Variants in CFAP99 observed in about 807,000 individuals in gnomAD.
CFAP99 encodes the protein cilia- and flagella-associated protein 99.
A neutral mutation model predicts 82.7 loss-of-function variants in CFAP99; 84 were observed. The observed-to-expected ratio is 1.02, with a 90% CI of 0.85 to 1.22. The LOEUF (loss-of-function observed/expected upper bound fraction) is 1.22. CFAP99 is among the 50% of genes most tolerant of loss of function. The probability of loss-of-function intolerance (pLI) is 0.00; values close to 1 mark genes in which losing one functional copy is unlikely to be tolerated. For missense variants in CFAP99, 1,059 were observed against 983.5 expected, an observed-to-expected ratio of 1.08 and a Z score of -1.03; for synonymous variants, 456 against 429.5, an observed-to-expected ratio of 1.06 and a Z score of -0.76.
intron 11 of CFAP99, among the ~76,000 whole-genome samples, chr4:2,457,655 C>A (rs1306261558): frequency 6.8e-6 from 1 of 146,588 alleles, no homozygotes; most frequent in Non-Finnish European, 1.5e-5. Flanking sequence ...CCTCTCCTTA[C>A]TGTGAGCCTG....
chr4:2,428,331 C>T (rs896916875), intron 2 of CFAP99: 2 of 152,652 alleles, frequency 1.3e-5, no homozygotes, highest in African/African-American at 2.4e-5. Context: ...ATCCGTCCCC[C>T]TCATTTCCCT....
rs962309892 is a variant in CFAP99, at chr4:2,420,257, G to C, written c.-18+1164G>C. ...CTGGGGGATTTCCTACAGTTACATG[G>C]TTTTATAAACAACCATTTTCTCCCA... On this transcript the variant is annotated intron_variant, in intron 1 of 14. Transcript: ENST00000635017. Among the ~76,000 whole-genome samples the C allele has an allele frequency of 2.0e-5, 3 of 151,976 alleles. No homozygotes were observed. In the East Asian group the frequency reaches 5.8e-4, roughly 29 times the overall value.
chr4:2,432,726 T>C (rs1430224442), intron 2 of CFAP99, among the ~76,000 whole-genome samples: 1 of 152,212 alleles, frequency 6.6e-6, no homozygotes, highest in Non-Finnish European at 1.5e-5. Flanking sequence ...CCTGCTGCTC[T>C]CCCTGGTTGG....
intron 2 of CFAP99, among the ~76,000 whole-genome samples, chr4:2,435,678 C>T (rs904841671): frequency 6.6e-6 from 1 of 152,176 alleles, no homozygotes; most frequent in Non-Finnish European, 1.5e-5. Context: ...AATCCCAACA[C>T]TTTGGGAGGC....
chr4:2,440,368 G>A (rs1284580389), intron 4 of CFAP99, among the ~76,000 whole-genome samples: 18 of 147,918 alleles, frequency 1.2e-4, no homozygotes, highest in South Asian at 1.1e-3. Flanking sequence ...GGATGGTCTC[G>A]ATCTCCTGAC....
Position 2,462,539 on chromosome 4 carries a change from C to G in CFAP99, c.1758C>G (p.Ala586=), listed in dbSNP as rs977898740. The G allele has an allele frequency of 1.9e-5, 28 of 1,469,548 alleles. No homozygotes were observed. The highest frequency in any genetic ancestry group is 5.9e-5 in the African/African-American group (4 of 67,964). The allele number at this position is 1,469,548 out of a possible 1,614,324, so 91.0% of individuals were successfully genotyped here. ...GGCGCAGGATCTCGGAGAGGGCGGC[C>G]GAGCGCAGCAGGCAGGCGGCCTTGC... The change falls in exon 15 of 15, where the codon GCC becomes GCG. Residue 586 remains alanine (A), a synonymous_variant. Coordinates refer to ENST00000635017, the Ensembl canonical transcript of CFAP99. This position sits in a 1 kb window ranked among gnomAD's most constrained non-coding sequence, Gnocchi z 4.1.
intron 4 of CFAP99, among the ~76,000 whole-genome samples, chr4:2,438,709 G>A (rs757438954): frequency 2.6e-5 from 4 of 152,134 alleles, no homozygotes; most frequent in East Asian, 1.9e-4. Context: ...GTTTGAGGCT[G>A]CAGTGAGCAG....
intron 2 of CFAP99, among the ~76,000 whole-genome samples, chr4:2,430,089 C>T (rs1246056306): frequency 6.7e-6 from 1 of 150,196 alleles, no homozygotes; most frequent in African/African-American, 2.5e-5. Flanking sequence ...CTGCGGACAG[C>T]AGACTGCGGT....
At chr4:2,452,899 T>TA (rs925409333) in intron 11 of CFAP99, among the ~76,000 whole-genome samples, 8 of 151,796 alleles carry the variant, frequency 5.3e-5, no homozygotes, top group East Asian at 1.9e-4. Flanking sequence ...CCCGTCTCTG[T>TA]AAAAAATACA....
chr4:2,443,431 G>A (rs193289192), intron 5 of CFAP99, among the ~76,000 whole-genome samples, 189 bp downstream of exon 5: 172 of 152,340 alleles, frequency 1.1e-3, no homozygotes, highest in Non-Finnish European at 1.4e-3. Flanking sequence ...ACAGCCTCGC[G>A]GGGAGGAAAA....
rs915345495 is a variant in CFAP99 at position 2,459,185 on chromosome 4, G to A, written c.1382G>A (p.Cys461Tyr). 5 of 1,535,712 alleles carry A rather than the reference G, an allele frequency of 3.3e-6. No homozygotes were observed. The highest frequency in any genetic ancestry group is 1.7e-4 in the Middle Eastern group (1 of 5,988). Reference sequence around the variant, plus strand: ...GCCCAGGAGGAGCAGCGGCGCCGTTGTGAACTCATCTCCCAGCTGCGCGCA... The same window carrying A: ...GCCCAGGAGGAGCAGCGGCGCCGTTATGAACTCATCTCCCAGCTGCGCGCA... Residue 461 changes from cysteine (C) to tyrosine (Y), a missense_variant, in exon 13 of 15, where the codon TGT becomes TAT. By Grantham distance (194) the Cys-to-Tyr change is radical. Transcript: ENST00000635017.
At position 2,451,468 on chromosome 4, in the gene CFAP99, A is replaced by G; in HGVS notation, c.956+116A>G. On this transcript the variant is annotated intron_variant, in intron 10 of 14. Transcript: ENST00000635017. The stretch of plus-strand genomic sequence containing the variant: ...AGTGGAGAGGGACTCGGGGGTCACA[A>G]CAGGCTGTGGTCCTGCAGCAACAGG... The G allele has an allele frequency of 4.3e-6, 4 of 922,894 alleles. No homozygotes were observed. In the South Asian group the frequency reaches 4.7e-5, roughly 11 times the overall value. 57.2% of individuals were successfully genotyped at this position (922,894 alleles called of 1,614,324 possible). A position where few individuals can be genotyped will look rare whatever the true frequency, so the allele number is the denominator to read the frequency against.
chr4:2,435,484 G>A (rs1733887861), intron 2 of CFAP99, among the ~76,000 whole-genome samples: 1 of 151,960 alleles, frequency 6.6e-6, no homozygotes, highest in African/African-American at 2.4e-5. Context: ...TTAACATAGA[G>A]ACCTTATAAA....
chr4:2,448,134 G>A lies in CFAP99; in HGVS notation c.643-1536G>A, dbSNP rs1734215079. The stretch of plus-strand genomic sequence containing the variant: ...ATGGATGGATGATTAGATGGAGGTG[G>A]CTGATGGATGGATGATCAGAGACCT... On this transcript the variant is annotated intron_variant, in intron 6 of 14. Coordinates refer to ENST00000635017, the Ensembl canonical transcript of CFAP99. This position sits in a 1 kb window ranked among gnomAD's most constrained non-coding sequence, Gnocchi z 5.2. Among the ~76,000 whole-genome samples the A allele has an allele frequency of 6.6e-6, 1 of 152,094 alleles. No homozygotes were observed. The highest frequency in any genetic ancestry group is 1.5e-5 in the Non-Finnish European group (1 of 68,016).
intron 13 of CFAP99, 91 bp from the exon 14 acceptor site, chr4:2,459,946 G>A: frequency 8.6e-7 from 1 of 1,163,516 alleles, no homozygotes; most frequent in Non-Finnish European, 1.2e-6. Flanking sequence ...GTGGGCAAGG[G>A]GTGGGCCTAT....
rs149481118 is a variant in CFAP99 at position 2,431,804 on chromosome 4, C to G, written c.112-5070C>G. On this transcript the variant is annotated intron_variant, in intron 2 of 14. Transcript: ENST00000635017. Reference sequence around the variant, plus strand: ...GCAGTACAGCTCATGGCCACTTCCACCTCCCAGGTTCAAGCAATTCTCGTG... The same window carrying G: ...GCAGTACAGCTCATGGCCACTTCCAGCTCCCAGGTTCAAGCAATTCTCGTG... 2.5e-3 allele frequency among the ~76,000 whole-genome samples: 382 copies of G among 152,158 alleles called. 1 individual carries two copies. Among genetic ancestry groups the G allele is most frequent in the African/African-American group, 7.7e-3 (318 of 41,478 alleles).
chr4:2,456,747 G>A (rs1252725924), intron 11 of CFAP99, among the ~76,000 whole-genome samples: 1 of 151,128 alleles, frequency 6.6e-6, no homozygotes, highest in African/African-American at 2.4e-5. Flanking sequence ...TCGAACTCCC[G>A]ATCTCAGGTG....
chr4:2,453,013 T>A (rs1734340463), intron 11 of CFAP99, among the ~76,000 whole-genome samples: 1 of 152,160 alleles, frequency 6.6e-6, no homozygotes, highest in South Asian at 2.1e-4. Flanking sequence ...CAGTGAGCCG[T>A]GATCATGCCA....
intron 11 of CFAP99, among the ~76,000 whole-genome samples, chr4:2,458,366 C>T (rs1243474939): frequency 2.0e-5 from 3 of 152,176 alleles, no homozygotes; most frequent in East Asian, 1.9e-4. Flanking sequence ...GTCCCCCCTA[C>T]CCCGGGCCCC....
Sources: allele counts gnomAD v4.1 joint callset (sites outside exome capture counted in the v4.1 genomes callset), GRCh38; gene constraint gnomAD v4.1.1; non-coding constraint Gnocchi (gnomAD v3.1); transcripts MANE v1.5; gene names NCBI Gene and HGNC (gene_info 2026-07-23, HGNC 2026-07-21).